The following CEP295 variants were observed in gnomAD, a reference collection of about 807,000 sequenced individuals.
CEP295 encodes the protein centrosomal protein 295.
Under a neutral mutation model 291.6 loss-of-function variants are expected in CEP295, and 190 were observed. That is an observed-to-expected ratio of 0.65 (90% CI 0.58 to 0.73). CEP295 has a LOEUF of 0.73. CEP295 is among the 30% of genes least tolerant of loss of function. The pLI, the probability that CEP295 is intolerant of heterozygous loss-of-function variation, is 0.00. For missense variants in CEP295, 2,863 were observed against 2,949.4 expected (o/e 0.97, Z 0.68); for synonymous variants, 993 against 1,038.8 (o/e 0.96, Z 0.85).
chr11:93,668,569 T>C (rs1282796464), intron 3 of CEP295, among the ~76,000 whole-genome samples: 1 of 152,176 alleles, frequency 6.6e-6, no homozygotes, highest in Non-Finnish European at 1.5e-5. Context: ...AGTAGTTCGA[T>C]ATCCTATTTA....
chr11:93,719,422 T>C (rs940177135), intron 18 of CEP295, among the ~76,000 whole-genome samples: 2 of 151,984 alleles, frequency 1.3e-5, no homozygotes, highest in Non-Finnish European at 2.9e-5. Flanking sequence ...AGCATGCCAC[T>C]ATGCCCAGCT....
intron 15 of CEP295, 111 bp from the exon 16 acceptor site, chr11:93,702,349 C>G (rs1048262401): frequency 1.4e-5 from 9 of 620,760 alleles, no homozygotes; most frequent in Non-Finnish European, 2.3e-5. Context: ...ATTGATGGAA[C>G]TATTTATTTG....
intron 5 of CEP295, 59 bp from the exon 6 acceptor site, chr11:93,675,509 TGGA>T: frequency 1.2e-6 from 1 of 848,320 alleles, no homozygotes; most frequent in Admixed American, 3.8e-5. Context: ...TTTTTTGCAT[TGGA>T]TTCAGCTTTA....
At chr11:93,689,437 CAT>C (rs1483392920) in intron 10 of CEP295, among the ~76,000 whole-genome samples, 1 of 152,214 alleles carries the variant, frequency 6.6e-6, no homozygotes, top group Admixed American at 6.5e-5. Context: ...AGACAGCAAA[CAT>C]AGGACTCGTG....
At chr11:93,724,521 CTT>C (rs1166021144) in intron 22 of CEP295, 146 bp downstream of exon 22, 12 of 806,956 alleles carry the variant, frequency 1.5e-5, no homozygotes, top group Admixed American at 8.8e-5. Flanking sequence ...AATCCCAGCA[CTT>C]TGAGAGCCCA....
At chr11:93,676,694 G>A (rs1304298043) in intron 6 of CEP295, among the ~76,000 whole-genome samples, 1 of 151,882 alleles carries the variant, frequency 6.6e-6, no homozygotes, top group Non-Finnish European at 1.5e-5. Flanking sequence ...CTGCTTTACT[G>A]TTTACTGCAT....
chr11:93,699,265 T>G lies in CEP295; in HGVS notation c.4353T>G (p.Pro1451=). Residue 1451 remains proline, a synonymous_variant, in exon 15 of 30, where the codon CCT becomes CCG. Transcript: ENST00000325212. ...TGGGTTTATCACATCTTGTTTTACC[T>G]CAACAAGATAATTTGATTGCACTTG... is the stretch of plus-strand genomic sequence containing the variant. The part of the protein sequence containing the change: ...GLLGLSHLVL[P]QQDNLIALEE... 6.4e-7 allele frequency: 1 copy of G among 1,551,442 alleles called. No homozygotes were observed.
At chr11:93,665,315 T>G (rs773599989) in intron 1 of CEP295, among the ~76,000 whole-genome samples, 17 of 152,244 alleles carry the variant, frequency 1.1e-4, no homozygotes, top group Non-Finnish European at 2.2e-4. Flanking sequence ...CTATAGATTC[T>G]TATATTTATT....
At chr11:93,669,151 G>A (rs1950318360) in intron 4 of CEP295, among the ~76,000 whole-genome samples, 1 of 152,098 alleles carries the variant, frequency 6.6e-6, no homozygotes, top group Non-Finnish European at 1.5e-5. Context: ...TTTGAGTTGA[G>A]TTTAGCAGCA....
In CEP295 at chr11:93,729,754, A is replaced by G; in HGVS notation, c.7540A>G (p.Lys2514Glu). 1.3e-6 allele frequency: 2 copies of G among 1,548,498 alleles called. No homozygotes were observed. The highest frequency in any genetic ancestry group is 1.2e-5 in the South Asian group (1 of 83,646). The change falls in exon 27 of 30, where the codon AAA (lysine) becomes GAA (glutamate). Residue 2514 changes from lysine to glutamate, a missense_variant. Physicochemically the swap from Lys to Glu is moderately conservative, Grantham distance 56. This residue lies in a region of CEP295 where 2,295 missense variants were observed against 2,335.7 expected (regional missense o/e 0.98). Transcript: ENST00000325212. ...TCATGTCTCTGAAAATTCTCAAATC[A>G]AAACAGTTAAAGAGAAACCATCTAT... ...KIHVSENSQI[K>E]TVKEKPSISS...
chr11:93,723,278 C>G lies in CEP295; in HGVS notation c.6185C>G (p.Thr2062Arg), dbSNP rs754382666. Reference sequence around the variant, plus strand: ...GAAGCAAATTTGATACCTGAAAAAACAGATTTGCAAGGTAAAATTATTTTA... The same window carrying G: ...GAAGCAAATTTGATACCTGAAAAAAGAGATTTGCAAGGTAAAATTATTTTA... Reference protein sequence around the residue: ...INEANLIPEKTDLQELEHIFP... With the variant: ...INEANLIPEKRDLQELEHIFP... The change falls in exon 21 of 30, where the codon ACA becomes AGA. Residue 2062 changes from threonine to arginine, a missense_variant. This residue lies in a region of CEP295 where 2,295 missense variants were observed against 2,335.7 expected (regional missense o/e 0.98). Transcript: ENST00000325212. 1.3e-6 allele frequency: 2 copies of G among 1,508,850 alleles called. No individual in the cohort carries two copies. Among genetic ancestry groups the G allele is most frequent in the South Asian group, 2.5e-5 (2 of 78,882 alleles). The allele number at this position is 1,508,850 out of a possible 1,614,324, so 93.5% of individuals were successfully genotyped here. A position where few individuals can be genotyped will look rare whatever the true frequency, so the allele number is the denominator to read the frequency against.
chr11:93,669,444 A>G (rs1272360825), intron 4 of CEP295, among the ~76,000 whole-genome samples: 1 of 148,806 alleles, frequency 6.7e-6, no homozygotes, highest in Non-Finnish European at 1.5e-5. Context: ...AAAGAACATT[A>G]TAAGTTTCTT....
intron 12 of CEP295, among the ~76,000 whole-genome samples, chr11:93,694,563 G>A (rs1951756183): frequency 6.6e-6 from 1 of 152,146 alleles, no homozygotes; most frequent in Non-Finnish European, 1.5e-5. Flanking sequence ...GAGCCACTGT[G>A]AAGTAAAATA....
In CEP295 at chr11:93,729,394, C is replaced by T. The variant is rs78677771; in HGVS notation, c.7303-40C>T. ...ACAGCAGAGCAAGACCCGCTTAAAGCGTTTAAAAAGAGTAAAACATGCAAC... is the reference window on the plus strand; with the variant it reads ...ACAGCAGAGCAAGACCCGCTTAAAGTGTTTAAAAAGAGTAAAACATGCAAC... On this transcript the variant is annotated intron_variant, in intron 25 of 29. Transcript: ENST00000325212. 4,597 of 1,356,130 alleles carry T rather than the reference C, an allele frequency of 3.4e-3. 119 individuals are homozygous for T. The East Asian group carries it at 0.069, about 20-fold the overall frequency. The allele number at this position is 1,356,130 out of a possible 1,614,324, so 84.0% of individuals were successfully genotyped here.
intron 17 of CEP295, among the ~76,000 whole-genome samples, chr11:93,703,632 G>T (rs1271957872): frequency 2.9e-5 from 4 of 139,924 alleles, no homozygotes; most frequent in African/African-American, 2.7e-5. Context: ...TCACTGTTCT[G>T]TTCTTTTCTT....
Position 93,699,531 on chromosome 11 carries a change from G to A in CEP295, c.4619G>A (p.Arg1540Lys), listed in dbSNP as rs1044115484. The change falls in exon 15 of 30, where the codon AGG becomes AAG. Residue 1540 changes from arginine to lysine, a missense_variant. Arg to Lys is a conservative substitution (Grantham distance 26). Around this residue, in one of 3 missense-constraint regions of CEP295, gnomAD observed 2,295 missense variants for 2,335.7 expected, o/e 0.98. Coordinates refer to ENST00000325212, the MANE Select transcript of CEP295 (RefSeq NM_033395.2). The stretch of plus-strand genomic sequence containing the variant: ...CAAAGATTAAGTGAATTGGAGAAAA[G>A]GGTATCATCTGAACAAGTTTGCTCC... ...LLQRLSELEK[R>K]VSSEQVCSSS... 6.4e-7 allele frequency: 1 copy of A among 1,551,744 alleles called. No individual in the cohort carries two copies. Among genetic ancestry groups the A allele is most frequent in the African/African-American group, 1.4e-5 (1 of 73,048 alleles).
rs1209834465 is a variant in CEP295, at chr11:93,719,413, G to A, written c.5750-1899G>A. On this transcript the variant is annotated intron_variant, in intron 18 of 29. Coordinates refer to ENST00000325212, the MANE Select transcript of CEP295 (RefSeq NM_033395.2). ...CTCCGAGGTAGCTAGGACTACAGGA[G>A]CATGCCACTATGCCCAGCTAATTTT... is the stretch of plus-strand genomic sequence containing the variant. Among the ~76,000 whole-genome samples, 3 of 152,012 alleles carry A rather than the reference G, an allele frequency of 2.0e-5. No individual in the cohort carries two copies. In the East Asian group the frequency reaches 5.8e-4, roughly 29 times the overall value.
At chr11:93,690,432 G>T (rs1184049503) in intron 10 of CEP295, among the ~76,000 whole-genome samples, 1 of 151,922 alleles carries the variant, frequency 6.6e-6, no homozygotes, top group Admixed American at 6.6e-5. Flanking sequence ...GGTTGTGGGT[G>T]CCTGTAGTCC....
chr11:93,679,548 C>T lies in CEP295; in HGVS notation c.761C>T (p.Ala254Val), dbSNP rs1690258499. Residue 254 changes from alanine (A) to valine (V), a missense_variant, in exon 7 of 30, where the codon GCT (alanine) becomes GTT (valine). Coordinates refer to ENST00000325212, the MANE Select transcript of CEP295 (RefSeq NM_033395.2). ...CAAGCAATGAAGAAGATCCATTTGG[C>T]TCAAGTAAGACTTATATTCTACCCA... ...GFQAMKKIHL[A>V]QNQEKLMKEL... 1.3e-6 allele frequency: 2 copies of T among 1,550,940 alleles called. No homozygotes were observed. The highest frequency in any genetic ancestry group is 1.7e-6 in the Non-Finnish European group (2 of 1,146,598).
Sources: gnomAD v4.1 joint callset for allele counts (sites outside exome capture counted in the v4.1 genomes callset) on GRCh38, gnomAD v4.1.1 for gene constraint, gnomAD v4.1.1 regional missense constraint, MANE v1.5 for transcripts, NCBI Gene and HGNC (gene_info 2026-07-23, HGNC 2026-07-21) for gene names.